Variants in SEMA3E observed in about 807,000 individuals in gnomAD.
The protein encoded by SEMA3E is semaphorin 3E.
In SEMA3E, 49 loss-of-function variants were observed where a neutral mutation model predicts 93.6. The ratio of observed to expected loss-of-function variants is 0.52; its 90% CI spans 0.42 to 0.66. The LOEUF (loss-of-function observed/expected upper bound fraction) is 0.66, where lower values mean the gene tolerates loss of function less well. Among genes scored for constraint, SEMA3E ranks in the 30% least tolerant of loss-of-function variants. SEMA3E has a pLI of 0.00. For synonymous variants in SEMA3E, 363 were observed against 330.7 expected (o/e 1.10, Z -1.06); for missense variants, 906 against 964.8 (o/e 0.94, Z 0.81).
intron 9 of SEMA3E, among the ~76,000 whole-genome samples, chr7:83,403,530 C>A (rs73707823): frequency 0.052 from 7,859 of 152,008 alleles, 331 homozygotes; most frequent in African/African-American, 0.11. Flanking sequence ...TACAAAAGGA[C>A]ATTTTTAAAG....
intron 16 of SEMA3E, among the ~76,000 whole-genome samples, chr7:83,376,400 G>T (rs1367073324): frequency 6.6e-6 from 1 of 151,972 alleles, no homozygotes; most frequent in African/African-American, 2.4e-5. Context: ...GTTGTAATTT[G>T]TGCACTCCAT....
chr7:83,602,217 T>C (rs774896141), intron 1 of SEMA3E, among the ~76,000 whole-genome samples: 6 of 152,134 alleles, frequency 3.9e-5, no homozygotes, highest in East Asian at 1.9e-4. Flanking sequence ...TGTCTAATCA[T>C]AGGGAGTCAC....
At chr7:83,501,593 C>T (rs750196136) in intron 1 of SEMA3E, among the ~76,000 whole-genome samples, 1 of 152,194 alleles carries the variant, frequency 6.6e-6, no homozygotes, top group Non-Finnish European at 1.5e-5. Context: ...GCTGTGATTA[C>T]AGGTGGATGC....
chr7:83,471,421 T>C (rs968825156), intron 2 of SEMA3E, among the ~76,000 whole-genome samples: 4 of 151,710 alleles, frequency 2.6e-5, no homozygotes, highest in Non-Finnish European at 4.4e-5. Flanking sequence ...AGTTTCTTCG[T>C]GCTGATAGGA....
chr7:83,589,261 CT>C lies in SEMA3E; in HGVS notation c.115+59166del, dbSNP rs965875810. On this transcript the variant is annotated intron_variant, in intron 1 of 16. Coordinates refer to ENST00000643230, the MANE Select transcript of SEMA3E (RefSeq NM_012431.3). ...TCAGATTTCTGACAAATAATTATTC[CT>C]TTTTTTTACACTCCTCTCTTGTTTC... is the stretch of plus-strand genomic sequence containing the variant. Among the ~76,000 whole-genome samples, 4 of 151,972 alleles carry C rather than the reference CT, an allele frequency of 2.6e-5. No individual in the cohort carries two copies. In the East Asian group the frequency reaches 5.8e-4, roughly 22 times the overall value.
chr7:83,453,839 G>A (rs1789415837), intron 4 of SEMA3E, among the ~76,000 whole-genome samples: 1 of 151,920 alleles, frequency 6.6e-6, no homozygotes, highest in Non-Finnish European at 1.5e-5. Context: ...TTATCTGAAA[G>A]TATAATGTTA....
intron 1 of SEMA3E, among the ~76,000 whole-genome samples, chr7:83,583,143 T>C (rs1020023205): frequency 5.3e-5 from 8 of 152,196 alleles, no homozygotes; most frequent in African/African-American, 1.7e-4. Context: ...TTTTGTGTAA[T>C]ATTTATGTAG....
At chr7:83,540,474 A>AC (rs1183936027) in intron 1 of SEMA3E, among the ~76,000 whole-genome samples, 19 of 152,052 alleles carry the variant, frequency 1.2e-4, no homozygotes, top group African/African-American at 4.1e-4. Flanking sequence ...TTTCCCTTAG[A>AC]CTCAGCCATA....
At chr7:83,432,660 A>G (rs547091888) in intron 4 of SEMA3E, among the ~76,000 whole-genome samples, 17 of 152,306 alleles carry the variant, frequency 1.1e-4, no homozygotes, top group Non-Finnish European at 2.2e-4. Flanking sequence ...GCAATCATAT[A>G]TGCTTTTTCA....
At chr7:83,472,864 A>G (rs1275108768) in intron 2 of SEMA3E, among the ~76,000 whole-genome samples, 1 of 152,128 alleles carries the variant, frequency 6.6e-6, no homozygotes, top group East Asian at 1.9e-4. Context: ...GTGAGTTCTC[A>G]CAAGATCTGA....
At chr7:83,523,642 C>T (rs770412086) in intron 1 of SEMA3E, among the ~76,000 whole-genome samples, 9 of 151,998 alleles carry the variant, frequency 5.9e-5, no homozygotes, top group Non-Finnish European at 1.2e-4. Flanking sequence ...TGTTCTCCCT[C>T]TCTGGCCAAT....
At chr7:83,603,665 T>C (rs971516108) in intron 1 of SEMA3E, among the ~76,000 whole-genome samples, 31 of 152,274 alleles carry the variant, frequency 2.0e-4, no homozygotes, top group Middle Eastern at 3.4e-3. Context: ...ATAGATATAG[T>C]TTTATTTAAA....
Position 83,425,695 on chromosome 7 carries a change from T to C in SEMA3E, c.457-7212A>G, listed in dbSNP as rs1485871673. On this transcript the variant is annotated intron_variant, in intron 4 of 16. Coordinates refer to ENST00000643230, the MANE Select transcript of SEMA3E (RefSeq NM_012431.3). ...CTGTGTGCCAGTCATTCTGAACTTC[T>C]TTTGCCTGGATATCATTCTGAATAT... is the stretch of plus-strand genomic sequence containing the variant. 2.0e-5 allele frequency among the ~76,000 whole-genome samples: 3 copies of C among 152,292 alleles called. No homozygotes were observed. The East Asian group carries it at 5.8e-4, about 29-fold the overall frequency.
rs1041552631 is a variant in SEMA3E at position 83,365,035 on chromosome 7, A to T, written c.*2551T>A. 2.0e-5 allele frequency: 3 copies of T among 152,092 alleles called. No homozygotes were observed. Among genetic ancestry groups the T allele is most frequent in the African/African-American group, 7.2e-5 (3 of 41,392 alleles). The allele number at this position is 152,092 out of a possible 1,614,324, so 9.4% of individuals were successfully genotyped here. A position where few individuals can be genotyped will look rare whatever the true frequency, so the allele number is the denominator to read the frequency against. On this transcript the variant is annotated 3_prime_UTR_variant, in exon 17 of 17. Transcript: ENST00000643230. ...CCTCAGACAGAACAAAAGACTGGGG[A>T]TGTATTTTTGTGGTATGTTTTAGAT...
At chr7:83,442,764 G>A (rs1789142785) in intron 4 of SEMA3E, among the ~76,000 whole-genome samples, 3 of 151,888 alleles carry the variant, frequency 2.0e-5, no homozygotes, top group South Asian at 4.2e-4. Flanking sequence ...CCTTCCTGAT[G>A]TTCCTGGCCA....
rs1223541706 is a variant in SEMA3E, at chr7:83,458,885, A to C, written c.456+7597T>G. On this transcript the variant is annotated intron_variant, in intron 4 of 16. Transcript: ENST00000643230. ...TATATGATTATATGTTATATATAAT[A>C]ATATATATAGTTATATATAACAAAT... 3.4e-5 allele frequency among the ~76,000 whole-genome samples: 5 copies of C among 147,132 alleles called. No individual in the cohort carries two copies. In the East Asian group the frequency reaches 7.8e-4, roughly 23 times the overall value.
intron 5 of SEMA3E, among the ~76,000 whole-genome samples, chr7:83,416,678 A>G (rs192738539): frequency 6.6e-6 from 1 of 152,200 alleles, no homozygotes; most frequent in East Asian, 1.9e-4. Flanking sequence ...TTTAGTATTT[A>G]TAGGAGACTT....
intron 2 of SEMA3E, among the ~76,000 whole-genome samples, chr7:83,484,544 A>C (rs908471164): frequency 2.0e-5 from 3 of 152,142 alleles, no homozygotes; most frequent in African/African-American, 7.2e-5. Flanking sequence ...TCTGCAGTGT[A>C]ACTAGTCAAA....
At chr7:83,632,580 G>A (rs1440631479) in intron 1 of SEMA3E, among the ~76,000 whole-genome samples, 3 of 152,114 alleles carry the variant, frequency 2.0e-5, no homozygotes, top group Non-Finnish European at 4.4e-5. Flanking sequence ...CTTGCCTTCC[G>A]CCATGATAGT....
Sources: gnomAD v4.1 joint callset for allele counts (sites outside exome capture counted in the v4.1 genomes callset) on GRCh38, gnomAD v4.1.1 for gene constraint, MANE v1.5 for transcripts, NCBI Gene and HGNC (gene_info 2026-07-23, HGNC 2026-07-21) for gene names.